Variants in MYLIP observed in about 807,000 individuals in gnomAD.
MYLIP encodes the protein E3 ubiquitin-protein ligase MYLIP.
Under a neutral mutation model 45.8 loss-of-function variants are expected in MYLIP, and 26 were observed. The observed-to-expected ratio is 0.57, with a 90% CI of 0.42 to 0.79. The LOEUF is 0.79. Ranked by LOEUF, MYLIP falls within the 30% of genes least tolerant of loss-of-function variation. MYLIP has a pLI of 0.00. For missense variants in MYLIP, 494 were observed against 555.6 expected (o/e 0.89, Z 1.11); for synonymous variants, 213 against 218.1 (o/e 0.98, Z 0.21).
rs1759398489 is a variant in MYLIP at position 16,129,142 on chromosome 6, CGGGTGAGG to C, written c.-175_-168del. The C allele has an allele frequency of 2.5e-5, 15 of 595,268 alleles. No individual in the cohort carries two copies. The highest frequency in any genetic ancestry group is 3.9e-5 in the African/African-American group (2 of 50,796). 36.9% of individuals were successfully genotyped at this position (595,268 alleles called of 1,614,324 possible). A position where few individuals can be genotyped will look rare whatever the true frequency, so the allele number is the denominator to read the frequency against. ...GAGGACAGGGGCAGCTGGCGGGCAG[CGGGTGAGG>C]GGGTGGCGGGGACGCGAGTGGCGGC... On this transcript the variant is annotated 5_prime_UTR_variant, in exon 1 of 7. Coordinates refer to ENST00000356840, the MANE Select transcript of MYLIP (RefSeq NM_013262.4). The surrounding 1 kb of genome is among the most constrained non-coding windows in gnomAD (Gnocchi z 5.1).
chr6:16,159,520 T>C, the MYLIP span, among the ~76,000 whole-genome samples: 1 of 152,202 alleles, frequency 6.6e-6, no homozygotes, highest in Non-Finnish European at 1.5e-5. Context: ...CTTATAATTA[T>C]TATCTTATTT....
At chr6:16,139,480 A>T (rs1759622230) in intron 2 of MYLIP, among the ~76,000 whole-genome samples, 2 of 152,168 alleles carry the variant, frequency 1.3e-5, no homozygotes, top group South Asian at 4.1e-4. Context: ...TCAGAGCGTA[A>T]TTTCTTCTTT....
the MYLIP span, among the ~76,000 whole-genome samples, chr6:16,153,715 G>A: frequency 2.0e-5 from 3 of 152,134 alleles, no homozygotes; most frequent in Admixed American, 6.5e-5. Flanking sequence ...GGGAGAGAGC[G>A]CGAGAGCCAG....
At chr6:16,152,714 G>A (rs1759892654), downstream of MYLIP, among the ~76,000 whole-genome samples, 3 of 152,204 alleles carry the variant, frequency 2.0e-5, no homozygotes, top group African/African-American at 7.2e-5. Flanking sequence ...ATCAGGTGCT[G>A]TGGAAGAGCA....
intron 2 of MYLIP, among the ~76,000 whole-genome samples, chr6:16,134,837 A>C (rs909870288): frequency 6.6e-6 from 1 of 152,156 alleles, no homozygotes; most frequent in East Asian, 1.9e-4. Flanking sequence ...TTGTGTTATT[A>C]TATGTGTTTA....
At chr6:16,140,605 G>T (rs993711215) in intron 2 of MYLIP, among the ~76,000 whole-genome samples, 1 of 152,186 alleles carries the variant, frequency 6.6e-6, no homozygotes, top group African/African-American at 2.4e-5. Flanking sequence ...GCGACAGAAA[G>T]AATGGCCCTC....
the MYLIP span, among the ~76,000 whole-genome samples, chr6:16,159,758 C>T: frequency 6.6e-6 from 1 of 152,092 alleles, no homozygotes; most frequent in African/African-American, 2.4e-5. Flanking sequence ...ACCTGAATAC[C>T]CCCAGGCTGA....
intron 2 of MYLIP, 69 bp downstream of exon 2, chr6:16,130,816 T>A: frequency 7.0e-7 from 1 of 1,434,998 alleles, no homozygotes; most frequent in South Asian, 1.4e-5. Flanking sequence ...CGCTGCACCT[T>A]CCCAGAGATA....
chr6:16,135,902 A>G (rs1373095566), intron 2 of MYLIP, among the ~76,000 whole-genome samples: 1 of 150,330 alleles, frequency 6.7e-6, no homozygotes, highest in Non-Finnish European at 1.5e-5. Context: ...AAATTCTAAT[A>G]TTAATAGTTT....
intron 4 of MYLIP, 44 bp downstream of exon 4, chr6:16,143,261 A>T: frequency 6.4e-7 from 1 of 1,562,008 alleles, no homozygotes; most frequent in Non-Finnish European, 8.8e-7. Flanking sequence ...ATGTGTATAC[A>T]TCTGTAGCTG....
At position 16,145,225 on chromosome 6, in the gene MYLIP, C is replaced by CTG. The variant is rs1489697401; in HGVS notation, c.1159_1160dup (p.Met388AlafsTer56). ...GCTACGCAAGCTGAAGGAAGCCATG[C>CTG]TGTGCATGGTGTGCTGCGAGGAGGA... On this transcript the variant is annotated frameshift_variant, in exon 6 of 7. Transcript: ENST00000356840. LOFTEE classifies it high-confidence loss of function. 3 of 1,614,116 alleles carry CTG rather than the reference C, an allele frequency of 1.9e-6. No homozygotes were observed. The highest frequency in any genetic ancestry group is 2.5e-6 in the Non-Finnish European group (3 of 1,179,994).
the MYLIP span, among the ~76,000 whole-genome samples, chr6:16,159,033 A>G: frequency 6.6e-6 from 1 of 152,202 alleles, no homozygotes; most frequent in African/African-American, 2.4e-5. Context: ...GGCATCCTCC[A>G]ACCACTGACC....
Position 16,129,343 on chromosome 6 carries a change from G to T in MYLIP, c.21G>T (p.Arg7Ser). MLCYVT[R>S]PDAVLMEVEV... is the part of the protein sequence containing the mutation. Reference sequence around the variant, plus strand: ...CAGCCATGCTGTGTTATGTGACGAGGCCGGACGCGGTGCTGATGGAGGTGG... The same window carrying T: ...CAGCCATGCTGTGTTATGTGACGAGTCCGGACGCGGTGCTGATGGAGGTGG... Residue 7 changes from arginine to serine, a missense_variant, in exon 1 of 7, where the codon AGG becomes AGT. Coordinates refer to ENST00000356840, the MANE Select transcript of MYLIP (RefSeq NM_013262.4). The surrounding 1 kb of genome is among the most constrained non-coding windows in gnomAD (Gnocchi z 5.1). 1 of 1,584,114 alleles carries T rather than the reference G, an allele frequency of 6.3e-7. No homozygotes were observed. The highest frequency in any genetic ancestry group is 8.6e-7 in the Non-Finnish European group (1 of 1,165,592).
downstream of MYLIP, among the ~76,000 whole-genome samples, chr6:16,151,463 T>G (rs1759880452): frequency 6.6e-6 from 1 of 152,142 alleles, no homozygotes; most frequent in South Asian, 2.1e-4. Context: ...TTGGAGAGCC[T>G]AAAATAAATT....
rs964441489 is a variant in MYLIP, at chr6:16,129,123, A to G, written c.-200A>G. 17 of 573,974 alleles carry G rather than the reference A, an allele frequency of 3.0e-5. No individual in the cohort carries two copies. Among genetic ancestry groups the G allele is most frequent in the African/African-American group, 2.4e-4 (12 of 50,236 alleles). The allele number at this position is 573,974 out of a possible 1,614,324, so 35.6% of individuals were successfully genotyped here. On this transcript the variant is annotated 5_prime_UTR_variant, in exon 1 of 7. Transcript: ENST00000356840. The surrounding 1 kb of genome is among the most constrained non-coding windows in gnomAD (Gnocchi z 5.1). Reference sequence around the variant, plus strand: ...GGAGTGCGGCGCCACCGCGGAGGACAGGGGCAGCTGGCGGGCAGCGGGTGA... The same window carrying G: ...GGAGTGCGGCGCCACCGCGGAGGACGGGGGCAGCTGGCGGGCAGCGGGTGA...
chr6:16,141,785 G>C lies in MYLIP; in HGVS notation c.439G>C (p.Glu147Gln). Residue 147 changes from glutamate to glutamine, a missense_variant, in exon 3 of 7, where the codon GAG becomes CAG. Transcript: ENST00000356840. ...TAACTATGAGGAGCTCTGTGCCAAG[G>C]AGCTCTCCTCTGCCACCTTGAACAG... ...KYNYEELCAK[E>Q]LSSATLNSIV... 1 of 1,613,282 alleles carries C rather than the reference G, an allele frequency of 6.2e-7. No homozygotes were observed. The highest frequency in any genetic ancestry group is 8.5e-7 in the Non-Finnish European group (1 of 1,179,436).
intron 3 of MYLIP, 89 bp downstream of exon 3, chr6:16,141,899 A>G: frequency 8.0e-7 from 1 of 1,256,052 alleles, no homozygotes. Context: ...ATCACACATA[A>G]TATGCAGTTT....
chr6:16,139,353 A>G (rs1436435865), intron 2 of MYLIP, among the ~76,000 whole-genome samples: 1 of 149,594 alleles, frequency 6.7e-6, no homozygotes, highest in Non-Finnish European at 1.5e-5. Flanking sequence ...GTGCCATAGC[A>G]CTCCAGCCTG....
Position 16,141,757 on chromosome 6 carries a change from G to A in MYLIP, c.411G>A (p.Lys137=), listed in dbSNP as rs1333435172. Residue 137 remains lysine, a synonymous_variant, in exon 3 of 7, where the codon AAG becomes AAA. Coordinates refer to ENST00000356840, the MANE Select transcript of MYLIP (RefSeq NM_013262.4). ...GAGACTACAACCAGAACACTGCCAAGTATAACTATGAGGAGCTCTGTGCCA... is the reference window on the plus strand; with the variant it reads ...GAGACTACAACCAGAACACTGCCAAATATAACTATGAGGAGCTCTGTGCCA... ...KFGDYNQNTA[K]YNYEELCAKE... is the part of the protein sequence containing the mutation. 3 of 1,614,076 alleles carry A rather than the reference G, an allele frequency of 1.9e-6. No individual in the cohort carries two copies. Among genetic ancestry groups the A allele is most frequent in the South Asian group, 1.1e-5 (1 of 91,070 alleles).
Sources: allele counts gnomAD v4.1 joint callset (sites outside exome capture counted in the v4.1 genomes callset), GRCh38; gene constraint gnomAD v4.1.1; non-coding constraint Gnocchi (gnomAD v3.1); transcripts MANE v1.5; gene names NCBI Gene and HGNC (gene_info 2026-07-23, HGNC 2026-07-21).